Variants in DCAF6 observed in about 807,000 individuals in gnomAD.
DCAF6 encodes the protein DDB1 and CUL4 associated factor 6, also known as DDB1- and CUL4-associated factor 6.
DCAF6 carries 54 observed loss-of-function variants against 125.1 expected under a neutral mutation model. The ratio of observed to expected loss-of-function variants is 0.43; its 90% CI spans 0.35 to 0.54. The LOEUF (loss-of-function observed/expected upper bound fraction) is 0.54, where lower values mean the gene tolerates loss of function less well. DCAF6 is among the 20% of genes least tolerant of loss of function. The pLI is 0.01. For synonymous variants in DCAF6, 371 were observed against 390.4 expected (o/e 0.95, Z 0.58); for missense variants, 934 against 1,161.7 (o/e 0.80, Z 2.85).
intron 1 of DCAF6, among the ~76,000 whole-genome samples, chr1:167,942,475 A>G (rs1174917810): frequency 9.9e-5 from 15 of 152,176 alleles, no homozygotes; most frequent in Non-Finnish European, 1.5e-5. Flanking sequence ...TAATATTGTA[A>G]GAATTCTATA....
At chr1:167,869,929 G>C in the DCAF6 span, among the ~76,000 whole-genome samples, 1 of 152,164 alleles carries the variant, frequency 6.6e-6, no homozygotes, top group Non-Finnish European at 1.5e-5. Flanking sequence ...ATAAACTTAA[G>C]TGTTTGTTCT....
chr1:168,012,023 G>A (rs1684367745), intron 10 of DCAF6, among the ~76,000 whole-genome samples: 1 of 152,078 alleles, frequency 6.6e-6, no homozygotes, highest in Admixed American at 6.6e-5. Context: ...TTAGGTCAAT[G>A]GCCATTTTTG....
the DCAF6 span, among the ~76,000 whole-genome samples, chr1:167,868,015 C>T: frequency 1.3e-5 from 2 of 152,086 alleles, no homozygotes; most frequent in African/African-American, 2.4e-5. Context: ...AAGAAGTACA[C>T]GTATCTCTGG....
At chr1:168,041,816 A>G (rs1381955547) in intron 13 of DCAF6, among the ~76,000 whole-genome samples, 1 of 151,696 alleles carries the variant, frequency 6.6e-6, no homozygotes, top group Admixed American at 6.6e-5. Flanking sequence ...AAATAAATAT[A>G]TATATACCAC....
At chr1:167,895,097 GCTTGAAC>G in the DCAF6 span, among the ~76,000 whole-genome samples, 3 of 150,888 alleles carry the variant, frequency 2.0e-5, no homozygotes, top group Non-Finnish European at 4.4e-5. Flanking sequence ...CAGGAGAATC[GCTTGAAC>G]CCGGGAGGCA....
chr1:168,005,412 T>A (rs1360627042), intron 10 of DCAF6, among the ~76,000 whole-genome samples: 1 of 152,100 alleles, frequency 6.6e-6, no homozygotes, highest in South Asian at 2.1e-4. Context: ...GTATTATAAG[T>A]CTTTATGGTC....
chr1:168,058,091 T>A (rs933538095), intron 17 of DCAF6, among the ~76,000 whole-genome samples: 7 of 152,334 alleles, frequency 4.6e-5, no homozygotes, highest in African/African-American at 1.4e-4. Context: ...TATACAAGAC[T>A]GGGACTCTTT....
At chr1:167,880,650 G>A in the DCAF6 span, 1 of 1,485,914 alleles carries the variant, frequency 6.7e-7, no homozygotes, top group Non-Finnish European at 9.4e-7. Flanking sequence ...GATGGACAGT[G>A]TGCTTTAAAC....
At chr1:167,986,956 A>G (rs1321296873) in intron 4 of DCAF6, among the ~76,000 whole-genome samples, 1 of 152,208 alleles carries the variant, frequency 6.6e-6, no homozygotes, top group South Asian at 2.1e-4. Flanking sequence ...AAAGTTTGAC[A>G]TTTAAACTAT....
chr1:167,941,048 G>A (rs1045128612), intron 1 of DCAF6, among the ~76,000 whole-genome samples: 14 of 151,842 alleles, frequency 9.2e-5, no homozygotes, highest in African/African-American at 3.4e-4. Flanking sequence ...TAGATTACCA[G>A]GTTCTTCATA....
At chr1:167,923,017 C>T in the DCAF6 span, among the ~76,000 whole-genome samples, 1 of 152,048 alleles carries the variant, frequency 6.6e-6, no homozygotes, top group Admixed American at 6.6e-5. Flanking sequence ...CATTAGGTGC[C>T]TATCATAAAA....
At chr1:168,051,645 A>T (rs1215912466) in intron 17 of DCAF6, among the ~76,000 whole-genome samples, 1 of 152,340 alleles carries the variant, frequency 6.6e-6, no homozygotes, top group African/African-American at 2.4e-5. Context: ...TCAGAAATGT[A>T]AAGTTTGTAG....
At chr1:168,004,991 A>G (rs554284448) in intron 10 of DCAF6, among the ~76,000 whole-genome samples, 198 bp downstream of exon 10, 1 of 152,348 alleles carries the variant, frequency 6.6e-6, no homozygotes, top group African/African-American at 2.4e-5. Context: ...AATAGCAGGA[A>G]TCTTCAATTT....
At chr1:168,024,110 G>A (rs1476953236) in intron 12 of DCAF6, 1 of 151,502 alleles carries the variant, frequency 6.6e-6, no homozygotes, top group African/African-American at 2.4e-5. Flanking sequence ...CCAGCTAATA[G>A]GGAGGCTAAG....
intron 10 of DCAF6, among the ~76,000 whole-genome samples, chr1:168,014,816 G>T (rs1250395257): frequency 6.6e-6 from 1 of 152,120 alleles, no homozygotes; most frequent in African/African-American, 2.4e-5. Flanking sequence ...TATCCATGTG[G>T]TTTACTCGCT....
intron 6 of DCAF6, 67 bp downstream of exon 6, chr1:167,991,406 C>G: frequency 7.0e-7 from 1 of 1,419,456 alleles, no homozygotes; most frequent in Admixed American, 2.6e-5. Flanking sequence ...ATGACATTTT[C>G]AGTTTTAAAA....
intron 13 of DCAF6, 145 bp from the exon 14 acceptor site, chr1:168,042,880 T>G: frequency 5.4e-6 from 3 of 557,016 alleles, no homozygotes; most frequent in Non-Finnish European, 9.6e-6. Context: ...TTTGAAATGA[T>G]GTTTACAAAT....
At chr1:168,070,256 A>G (rs977158681) in intron 21 of DCAF6, among the ~76,000 whole-genome samples, 9 of 152,064 alleles carry the variant, frequency 5.9e-5, no homozygotes, top group Non-Finnish European at 1.2e-4. Flanking sequence ...GATAGAATAA[A>G]GTGCCCAAGA....
intron 4 of DCAF6, 81 bp downstream of exon 4, chr1:167,975,096 G>A: frequency 3.6e-6 from 3 of 837,702 alleles, no homozygotes; most frequent in South Asian, 2.9e-5. Flanking sequence ...AGATGCATGT[G>A]TGTACATGTA....
Sources: gnomAD v4.1 joint callset for allele counts (sites outside exome capture counted in the v4.1 genomes callset) on GRCh38, gnomAD v4.1.1 for gene constraint, MANE v1.5 for transcripts, NCBI Gene and HGNC (gene_info 2026-07-23, HGNC 2026-07-21) for gene names.